The following NELL2 variants were observed in gnomAD, a reference collection of about 807,000 sequenced individuals.
The protein encoded by NELL2 is neural EGFL like 2, also known as protein kinase C-binding protein NELL2.
A neutral mutation model predicts 109.6 loss-of-function variants in NELL2; 41 were observed. That is an observed-to-expected ratio of 0.37 (90% CI 0.29 to 0.49). The LOEUF (loss-of-function observed/expected upper bound fraction) is 0.49. Ranked by LOEUF, NELL2 falls within the 20% of genes least tolerant of loss-of-function variation. The pLI, the probability that NELL2 is intolerant of heterozygous loss-of-function variation, is 0.98. For missense variants in NELL2, 900 were observed against 1,008.3 expected, an observed-to-expected ratio of 0.89 and a Z score of 1.45; for synonymous variants, 355 against 344.7, an observed-to-expected ratio of 1.03 and a Z score of -0.33.
rs1431204110 is a variant in NELL2 at position 44,610,901 on chromosome 12, C to A, written c.1514G>T (p.Gly505Val). The A allele has an allele frequency of 6.2e-7, 1 of 1,613,002 alleles. No individual in the cohort carries two copies. The highest frequency in any genetic ancestry group is 8.5e-7 in the Non-Finnish European group (1 of 1,179,348). Residue 505 changes from glycine to valine, a missense_variant, in exon 14 of 20, where the codon GGA becomes GTA. By Grantham distance (109) the Gly-to-Val change is moderately radical (BLOSUM62 -3). Around this residue, in one of 4 missense-constraint regions of NELL2, gnomAD observed 333 missense variants for 432.3 expected, o/e 0.77. Coordinates refer to ENST00000429094, the MANE Select transcript of NELL2 (RefSeq NM_001145108.2). ...ENALCFNTVG[G>V]HNCVCKPGYT... is the part of the protein sequence containing the mutation. ...GCCCGGCTTGCAAACACAGTTGTGT[C>A]CTCCAACAGTGTTGAAGCATAAAGC...
chr12:44,578,279 C>A lies in NELL2; in HGVS notation c.1663+28890G>T, dbSNP rs147338816. 5.3e-3 allele frequency among the ~76,000 whole-genome samples: 797 copies of A among 151,768 alleles called. 9 individuals carry two copies. Among genetic ancestry groups the A allele is most frequent in the African/African-American group, 0.018 (748 of 41,428 alleles). ...AATAAGATCTTTAAAATACAGGATA[C>A]CAAAATGTTAAATATATACAAACAA... On this transcript the variant is annotated intron_variant, in intron 15 of 19. Coordinates refer to ENST00000429094, the MANE Select transcript of NELL2 (RefSeq NM_001145108.2).
chr12:44,811,337 T>TGAAAAA (rs372053673), intron 3 of NELL2, among the ~76,000 whole-genome samples: 1 of 103,210 alleles, frequency 9.7e-6, no homozygotes, highest in African/African-American at 4.0e-5. Flanking sequence ...GAACTAAAAG[T>TGAAAAA]AAAAAAAAAA....
intron 15 of NELL2, among the ~76,000 whole-genome samples, chr12:44,592,717 A>C (rs1009955467): frequency 6.6e-6 from 1 of 152,194 alleles, no homozygotes; most frequent in Non-Finnish European, 1.5e-5. Flanking sequence ...AATATTACCA[A>C]GATATGTGCT....
intron 13 of NELL2, among the ~76,000 whole-genome samples, chr12:44,658,877 CAAAAAAAAAAAAA>C (rs58696965): frequency 5.7e-5 from 4 of 69,926 alleles, no homozygotes; most frequent in African/African-American, 2.0e-4. Flanking sequence ...ACTCTGTCTC[CAAAAAAAAAAAAA>C]AAAAAAAAAG....
chr12:44,556,991 T>G (rs143612621), intron 15 of NELL2, among the ~76,000 whole-genome samples: 330 of 152,274 alleles, frequency 2.2e-3, no homozygotes, highest in African/African-American at 7.2e-3. Context: ...ATTTTAGATA[T>G]TATCCTGAAA....
At chr12:44,643,180 T>A (rs181490048) in intron 13 of NELL2, among the ~76,000 whole-genome samples, 43 of 152,286 alleles carry the variant, frequency 2.8e-4, no homozygotes, top group African/African-American at 1.0e-3. Context: ...ATCCTAAGAA[T>A]ATTATCAGGG....
intron 15 of NELL2, among the ~76,000 whole-genome samples, chr12:44,603,955 C>T (rs139194643): frequency 4.3e-4 from 65 of 152,284 alleles, no homozygotes; most frequent in African/African-American, 1.5e-3. Context: ...CCTTTCTAAG[C>T]TATCAGGCAG....
chr12:44,718,675 T>C (rs1938613110), intron 9 of NELL2, among the ~76,000 whole-genome samples: 1 of 152,248 alleles, frequency 6.6e-6, no homozygotes, highest in African/African-American at 2.4e-5. Flanking sequence ...ATTATGTGTA[T>C]ATACTTTAAG....
intron 12 of NELL2, among the ~76,000 whole-genome samples, chr12:44,688,206 G>A (rs1285435120): frequency 6.6e-6 from 1 of 152,110 alleles, no homozygotes; most frequent in Non-Finnish European, 1.5e-5. Flanking sequence ...AAAGCAGTTT[G>A]GTTCTGGAAA....
chr12:44,802,469 A>G (rs964542583), intron 3 of NELL2, among the ~76,000 whole-genome samples: 62 of 152,222 alleles, frequency 4.1e-4, no homozygotes, highest in African/African-American at 1.3e-3. Flanking sequence ...TCGTGTTTTC[A>G]TAAACGTATG....
intron 2 of NELL2, among the ~76,000 whole-genome samples, chr12:44,823,985 A>G (rs1033875166): frequency 6.6e-6 from 1 of 152,184 alleles, no homozygotes; most frequent in African/African-American, 2.4e-5. Context: ...CCTGATGATT[A>G]GTGATGTTGA....
At chr12:44,685,211 G>A (rs1416088629) in intron 12 of NELL2, among the ~76,000 whole-genome samples, 1 of 151,618 alleles carries the variant, frequency 6.6e-6, no homozygotes, top group Non-Finnish European at 1.5e-5. Flanking sequence ...TTTAAAGTCT[G>A]TTTTATCAGA....
intron 12 of NELL2, among the ~76,000 whole-genome samples, chr12:44,695,343 C>T (rs575842560): frequency 2.7e-5 from 4 of 150,440 alleles, no homozygotes; most frequent in Admixed American, 2.0e-4. Flanking sequence ...TAGTTAACTA[C>T]GATTAAAAAT....
intron 9 of NELL2, among the ~76,000 whole-genome samples, chr12:44,744,958 C>T (rs1940239910): frequency 1.3e-5 from 2 of 152,160 alleles, no homozygotes; most frequent in Admixed American, 6.5e-5. Context: ...TTTTATGAGG[C>T]CAGCATCATC....
intron 13 of NELL2, among the ~76,000 whole-genome samples, chr12:44,629,316 T>A (rs1006826110): frequency 5.3e-5 from 8 of 152,216 alleles, no homozygotes; most frequent in African/African-American, 1.7e-4. Flanking sequence ...TAAATTTTAT[T>A]GAAAACATTT....
At chr12:44,523,748 G>A (rs1483235911) in intron 16 of NELL2, 1 of 428,586 alleles carries the variant, frequency 2.3e-6, no homozygotes, top group Admixed American at 4.0e-5. Context: ...ATAACATTAG[G>A]CTTTATGAAA....
chr12:44,782,164 T>G (rs1941986390), intron 3 of NELL2, among the ~76,000 whole-genome samples: 1 of 151,968 alleles, frequency 6.6e-6, no homozygotes, highest in African/African-American at 2.4e-5. Flanking sequence ...CAGCTAAAAT[T>G]TCTATACATC....
intron 13 of NELL2, among the ~76,000 whole-genome samples, chr12:44,633,472 T>C (rs1946526712): frequency 6.6e-6 from 1 of 152,002 alleles, no homozygotes; most frequent in South Asian, 2.1e-4. Flanking sequence ...AAAGAAATAA[T>C]AAAGAAGTAA....
chr12:44,902,673 C>A (rs1451218300), intron 1 of NELL2, among the ~76,000 whole-genome samples: 1 of 152,100 alleles, frequency 6.6e-6, no homozygotes, highest in African/African-American at 2.4e-5. Context: ...CTACAGTAAC[C>A]AAAACAGCAT....
Sources: gnomAD v4.1 joint callset for allele counts (sites outside exome capture counted in the v4.1 genomes callset) on GRCh38, gnomAD v4.1.1 for gene constraint, gnomAD v4.1.1 regional missense constraint, MANE v1.5 for transcripts, NCBI Gene and HGNC (gene_info 2026-07-23, HGNC 2026-07-21) for gene names.